Variants in ROBO1 observed in about 807,000 individuals in gnomAD.
ROBO1 encodes roundabout guidance receptor 1.
In ROBO1, 149 loss-of-function variants were observed where a neutral mutation model predicts 195.9. The observed-to-expected ratio is 0.76, with a 90% CI of 0.67 to 0.87. ROBO1 has a LOEUF of 0.87. Among genes scored for constraint, ROBO1 ranks in the 40% least tolerant of loss-of-function variants. ROBO1 has a pLI of 0.00. For missense variants in ROBO1, 1,933 were observed against 2,068.3 expected, an observed-to-expected ratio of 0.93 and a Z score of 1.27; for synonymous variants, 816 against 733.2, an observed-to-expected ratio of 1.11 and a Z score of -1.82.
chr3:79,648,737 A>G (rs1460831186), intron 1 of ROBO1, among the ~76,000 whole-genome samples: 1 of 152,100 alleles, frequency 6.6e-6, no homozygotes, highest in Admixed American at 6.6e-5. Flanking sequence ...ATAAATCTAA[A>G]TAAGTACATA....
intron 3 of ROBO1, among the ~76,000 whole-genome samples, chr3:78,992,143 C>T (rs972553604): frequency 1.3e-5 from 2 of 152,042 alleles, no homozygotes; most frequent in African/African-American, 4.8e-5. Context: ...AGACTGAATA[C>T]AATTATTTGA....
chr3:79,653,300 C>T (rs1946067603), intron 1 of ROBO1, among the ~76,000 whole-genome samples: 1 of 151,754 alleles, frequency 6.6e-6, no homozygotes, highest in Non-Finnish European at 1.5e-5. Flanking sequence ...TCAAATATAA[C>T]TCTTGAAAGA....
At chr3:79,530,735 A>T (rs887901317) in intron 2 of ROBO1, among the ~76,000 whole-genome samples, 34 of 147,784 alleles carry the variant, frequency 2.3e-4, no homozygotes, top group Non-Finnish European at 4.2e-4. Context: ...ACAAATATTT[A>T]ATTCACCCAC....
In ROBO1 at chr3:78,787,525, T is replaced by C. The variant is rs1046878567; in HGVS notation, c.500-40625A>G. Among the ~76,000 whole-genome samples the C allele has an allele frequency of 4.6e-5, 7 of 152,236 alleles. No homozygotes were observed. In the East Asian group the frequency reaches 1.3e-3, roughly 29 times the overall value. ...ATAAGTACTTTCACTTTAATGTGTTTTATCTTGGGTCTTGTGATCCACGTT... is the reference window on the plus strand; with the variant it reads ...ATAAGTACTTTCACTTTAATGTGTTCTATCTTGGGTCTTGTGATCCACGTT... On this transcript the variant is annotated intron_variant, in intron 4 of 30. Transcript: ENST00000464233.
chr3:78,651,458 G>T (rs543844632), intron 19 of ROBO1, among the ~76,000 whole-genome samples: 3 of 152,204 alleles, frequency 2.0e-5, no homozygotes, highest in East Asian at 3.9e-4. Flanking sequence ...TAAGAGAAAA[G>T]GGAAAAGGTA....
At chr3:79,370,184 G>A (rs752213944) in intron 2 of ROBO1, among the ~76,000 whole-genome samples, 4 of 150,552 alleles carry the variant, frequency 2.7e-5, no homozygotes, top group South Asian at 2.1e-4. Flanking sequence ...GTGAAACCTC[G>A]TCTCTATTAA....
chr3:78,638,825 G>A (rs1017783742), intron 22 of ROBO1, among the ~76,000 whole-genome samples: 3 of 152,066 alleles, frequency 2.0e-5, no homozygotes, highest in Non-Finnish European at 4.4e-5. Flanking sequence ...AGTGAGCTGT[G>A]TTAATGCCAC....
intron 2 of ROBO1, among the ~76,000 whole-genome samples, chr3:79,445,259 T>C (rs1456323458): frequency 1.3e-5 from 2 of 151,838 alleles, no homozygotes; most frequent in African/African-American, 4.8e-5. Flanking sequence ...CATATATTAC[T>C]GAATATATAC....
In ROBO1 at chr3:78,690,517, A is replaced by G. The variant is rs1215645810; in HGVS notation, c.1046-1745T>C. ...ACTCATGAATGTAGCAAACACTATC[A>G]TTACCCAGGTATAATAATAGGCGAG... On this transcript the variant is annotated intron_variant, in intron 8 of 30. Coordinates refer to ENST00000464233, the MANE Select transcript of ROBO1 (RefSeq NM_002941.4). Among the ~76,000 whole-genome samples, 9 of 152,172 alleles carry G rather than the reference A, an allele frequency of 5.9e-5. No individual in the cohort carries two copies. In the South Asian group the frequency reaches 1.5e-3, roughly 25 times the overall value.
At chr3:79,446,333 T>C (rs2039254855) in intron 2 of ROBO1, among the ~76,000 whole-genome samples, 2 of 152,164 alleles carry the variant, frequency 1.3e-5, no homozygotes, top group Admixed American at 6.5e-5. Context: ...GAGTCTATAA[T>C]TGCAAATCAT....
At chr3:79,136,739 G>A (rs1256525855) in intron 2 of ROBO1, among the ~76,000 whole-genome samples, 2 of 151,938 alleles carry the variant, frequency 1.3e-5, no homozygotes, top group Non-Finnish European at 2.9e-5. Flanking sequence ...AATCATGTAT[G>A]GCCCAAATAA....
intron 2 of ROBO1, among the ~76,000 whole-genome samples, chr3:79,156,365 C>T (rs1456413665): frequency 6.6e-6 from 1 of 151,362 alleles, no homozygotes; most frequent in Admixed American, 6.6e-5. Context: ...TATTTATTGG[C>T]TATAGATTAA....
At chr3:79,723,050 C>T (rs1206264855) in intron 1 of ROBO1, among the ~76,000 whole-genome samples, 1 of 152,116 alleles carries the variant, frequency 6.6e-6, no homozygotes, top group Admixed American at 6.6e-5. Context: ...AACCATGAAC[C>T]ATGGCTATTT....
intron 3 of ROBO1, among the ~76,000 whole-genome samples, chr3:78,941,641 A>C (rs1416426435): frequency 6.6e-6 from 1 of 152,190 alleles, no homozygotes; most frequent in African/African-American, 2.4e-5. Flanking sequence ...GTTTGAGATA[A>C]GCCTTGAAGA....
At chr3:79,294,546 C>T (rs7619203) in intron 2 of ROBO1, among the ~76,000 whole-genome samples, 3,681 of 152,210 alleles carry the variant, frequency 0.024, 97 homozygotes, top group African/African-American at 0.066. Context: ...TGGGCAAAGA[C>T]TTCATGACTA....
At chr3:79,046,615 A>G (rs1013331497) in intron 3 of ROBO1, among the ~76,000 whole-genome samples, 7 of 152,150 alleles carry the variant, frequency 4.6e-5, no homozygotes, top group African/African-American at 1.7e-4. Flanking sequence ...GGAAGCATCC[A>G]GCACGAGAGA....
chr3:78,659,843 G>A (rs1312325532), intron 16 of ROBO1, 36 bp from the exon 17 acceptor site: 2 of 1,558,830 alleles, frequency 1.3e-6, no homozygotes. Context: ...TTATTAGAAT[G>A]TGCTAGAGAA....
At chr3:79,717,766 A>G (rs1247228701) in intron 1 of ROBO1, among the ~76,000 whole-genome samples, 8 of 151,986 alleles carry the variant, frequency 5.3e-5, no homozygotes, top group African/African-American at 1.9e-4. Flanking sequence ...AACTTTAGAG[A>G]AAGACCAAGC....
At chr3:79,628,986 A>T (rs1253807777) in intron 1 of ROBO1, among the ~76,000 whole-genome samples, 1 of 152,196 alleles carries the variant, frequency 6.6e-6, no homozygotes, top group Admixed American at 6.6e-5. Context: ...ACCAGAGCAC[A>T]CAGATTCATA....
Sources: allele counts gnomAD v4.1 joint callset (sites outside exome capture counted in the v4.1 genomes callset), GRCh38; gene constraint gnomAD v4.1.1; transcripts MANE v1.5; gene names NCBI Gene and HGNC (gene_info 2026-07-23, HGNC 2026-07-21).